CYRIA: variants seen among roughly 807,000 people sequenced by gnomAD.
The protein encoded by CYRIA is CYFIP-related Rac1 interactor A.
Under a neutral mutation model 43.9 loss-of-function variants are expected in CYRIA, and 15 were observed. The ratio of observed to expected loss-of-function variants is 0.34; its 90% confidence interval spans 0.23 to 0.53. The LOEUF (loss-of-function observed/expected upper bound fraction) is 0.53. CYRIA is among the 20% of genes least tolerant of loss of function. CYRIA has a pLI of 0.94. For synonymous variants in CYRIA, 117 were observed against 136.0 expected, an observed-to-expected ratio of 0.86 and a Z score of 0.97; for missense variants, 236 against 394.2, an observed-to-expected ratio of 0.60 and a Z score of 3.40.
chr2:16,589,013 C>A (rs1486572920), intron 2 of CYRIA, among the ~76,000 whole-genome samples: 9 of 152,044 alleles, frequency 5.9e-5, no homozygotes, highest in African/African-American at 9.7e-5. Flanking sequence ...AGAAAAATTT[C>A]TACTGCTCTC....
intron 1 of CYRIA, among the ~76,000 whole-genome samples, chr2:16,657,430 A>C (rs896432345): frequency 2.7e-5 from 4 of 150,664 alleles, no homozygotes; most frequent in Admixed American, 6.6e-5. Context: ...TTTTAAAATG[A>C]CTTTGTCCCA....
intron 1 of CYRIA, among the ~76,000 whole-genome samples, chr2:16,627,965 C>A (rs1558433977): frequency 6.6e-6 from 1 of 152,180 alleles, no homozygotes; most frequent in Non-Finnish European, 1.5e-5. Context: ...AGAGATGGAG[C>A]AGCTGGGCGG....
At position 16,564,045 on chromosome 2, in the gene CYRIA, G is replaced by T. The variant is rs775108109; in HGVS notation, c.242C>A (p.Ala81Glu). The stretch of plus-strand genomic sequence containing the variant: ...TAGCCTCACAACAAGAGGGCACACC[G>T]CATTCCAAGCTTTTTCTTGAAGCTG... Reference protein sequence around the residue: ...DIQLQEKAWNAVCPLVVRLKR... With the variant: ...DIQLQEKAWNEVCPLVVRLKR... Residue 81 changes from alanine to glutamate, a missense_variant, in exon 5 of 12, where the codon GCG becomes GAG. Coordinates refer to ENST00000381323, the MANE Select transcript of CYRIA (RefSeq NM_030797.4). 2 of 1,613,506 alleles carry T rather than the reference G, an allele frequency of 1.2e-6. No individual in the cohort carries two copies. The highest frequency in any genetic ancestry group is 1.7e-4 in the Middle Eastern group (1 of 6,056).
chr2:16,608,845 AG>A (rs1668499398), intron 2 of CYRIA, among the ~76,000 whole-genome samples: 1 of 152,212 alleles, frequency 6.6e-6, no homozygotes. Flanking sequence ...TGGAGAAGAA[AG>A]CCGACTCAGA....
chr2:16,603,679 T>C (rs755088561), intron 2 of CYRIA, among the ~76,000 whole-genome samples: 10 of 152,212 alleles, frequency 6.6e-5, no homozygotes, highest in Non-Finnish European at 1.2e-4. Context: ...CATAATTACA[T>C]ACGCTTTCTC....
At chr2:16,620,536 T>A (rs892465645) in intron 2 of CYRIA, among the ~76,000 whole-genome samples, 1 of 152,202 alleles carries the variant, frequency 6.6e-6, no homozygotes, top group Admixed American at 6.5e-5. Flanking sequence ...GAAAGAGGTA[T>A]AAAATAAGCA....
intron 2 of CYRIA, among the ~76,000 whole-genome samples, chr2:16,593,586 C>A (rs1292808166): frequency 6.6e-6 from 1 of 151,914 alleles, no homozygotes; most frequent in East Asian, 1.9e-4. Context: ...ATTTTCAATG[C>A]AAAATTCCCG....
intron 2 of CYRIA, among the ~76,000 whole-genome samples, chr2:16,616,018 AG>A (rs1290600065): frequency 6.6e-6 from 1 of 152,216 alleles, no homozygotes; most frequent in Non-Finnish European, 1.5e-5. Flanking sequence ...CCAGAAGGAC[AG>A]AGCAATCCTG....
At chr2:16,572,125 C>G (rs1184652668) in intron 3 of CYRIA, among the ~76,000 whole-genome samples, 1 of 152,006 alleles carries the variant, frequency 6.6e-6, no homozygotes, top group African/African-American at 2.4e-5. Flanking sequence ...GGGAGCAGTC[C>G]AAGGATGGCA....
In CYRIA at chr2:16,550,429, C is replaced by T. The variant is rs865961781; in HGVS notation, c.*2507G>A. 6.6e-6 allele frequency: 1 copy of T among 152,216 alleles called. No homozygotes were observed. The allele number at this position is 152,216 out of a possible 1,614,324, so 9.4% of individuals were successfully genotyped here. A position where few individuals can be genotyped will look rare whatever the true frequency, so the allele number is the denominator to read the frequency against. ...CTGGAGTGGGCACAAAGCCCATCAC[C>T]TGTTAGTGATCACAGACATTCAGTT... On this transcript the variant is annotated 3_prime_UTR_variant, in exon 12 of 12. Transcript: ENST00000381323.
chr2:16,648,745 ATATC>A (rs1224043020), intron 1 of CYRIA, among the ~76,000 whole-genome samples: 2 of 152,182 alleles, frequency 1.3e-5, no homozygotes, highest in African/African-American at 2.4e-5. Context: ...TATGTACTGA[ATATC>A]TACTATATAT....
intron 2 of CYRIA, among the ~76,000 whole-genome samples, chr2:16,605,022 A>G (rs1160354700): frequency 1.3e-5 from 2 of 152,176 alleles, no homozygotes; most frequent in African/African-American, 4.8e-5. Context: ...TGCCTTGAAT[A>G]TTCTCATCGA....
chr2:16,638,637 A>C (rs1669575672), intron 1 of CYRIA, among the ~76,000 whole-genome samples: 1 of 152,178 alleles, frequency 6.6e-6, no homozygotes. Flanking sequence ...TGCACCGCAC[A>C]TGAGGCAGGG....
intron 1 of CYRIA, among the ~76,000 whole-genome samples, chr2:16,651,929 C>G (rs1317726645): frequency 1.3e-5 from 2 of 152,106 alleles, no homozygotes; most frequent in African/African-American, 4.8e-5. Context: ...GTTTATCTGT[C>G]AGAACAACCC....
At chr2:16,614,983 G>T (rs894396083) in intron 2 of CYRIA, among the ~76,000 whole-genome samples, 2 of 152,228 alleles carry the variant, frequency 1.3e-5, no homozygotes, top group African/African-American at 4.8e-5. Context: ...AGATGGACTG[G>T]ATCAGGCTCC....
chr2:16,630,028 C>T (rs1408835623), intron 1 of CYRIA, among the ~76,000 whole-genome samples: 1 of 152,142 alleles, frequency 6.6e-6, no homozygotes, highest in African/African-American at 2.4e-5. Flanking sequence ...CAGTCAGAGG[C>T]CAACACGCCG....
chr2:16,631,731 G>A (rs1049092701), intron 1 of CYRIA, among the ~76,000 whole-genome samples: 1 of 152,192 alleles, frequency 6.6e-6, no homozygotes, highest in Admixed American at 6.5e-5. Flanking sequence ...TGCCCTAAAT[G>A]AGTGAGGCCA....
In CYRIA at chr2:16,550,254, C is replaced by T. The variant is rs960038038; in HGVS notation, c.*2682G>A. ...CCCTAAACCACCCGTAAGTCTTGGA[C>T]GCATGTGCATGCAGCACACACACAC... On this transcript the variant is annotated 3_prime_UTR_variant, in exon 12 of 12. Coordinates refer to ENST00000381323, the MANE Select transcript of CYRIA (RefSeq NM_030797.4). 7 of 151,040 alleles carry T rather than the reference C, an allele frequency of 4.6e-5. No individual in the cohort carries two copies. Among genetic ancestry groups the T allele is most frequent in the African/African-American group, 7.3e-5 (3 of 40,956 alleles). The allele number at this position is 151,040 out of a possible 1,614,324, so 9.4% of individuals were successfully genotyped here. A position where few individuals can be genotyped will look rare whatever the true frequency, so the allele number is the denominator to read the frequency against.
intron 3 of CYRIA, among the ~76,000 whole-genome samples, chr2:16,566,475 T>C (rs1002440090): frequency 1.3e-5 from 2 of 152,180 alleles, no homozygotes; most frequent in African/African-American, 4.8e-5. Context: ...CAGAGGCATA[T>C]CATTCCTGAA....
Sources: gnomAD v4.1 joint callset for allele counts (sites outside exome capture counted in the v4.1 genomes callset) on GRCh38, gnomAD v4.1.1 for gene constraint, MANE v1.5 for transcripts, NCBI Gene and HGNC (gene_info 2026-07-23, HGNC 2026-07-21) for gene names.